The following ELF4 variants were observed in gnomAD, a reference collection of about 807,000 sequenced individuals.
ELF4 encodes the protein E74 like ETS transcription factor 4, also known as ETS-related transcription factor Elf-4.
A neutral mutation model predicts 31.7 loss-of-function variants in ELF4; 10 were observed. The observed-to-expected ratio is 0.32, with a 90% confidence interval of 0.19 to 0.54. ELF4 has a LOEUF of 0.54. ELF4 is among the 20% of genes least tolerant of loss of function. The probability of loss-of-function intolerance (pLI) is 0.95; values close to 1 mark genes in which losing one functional copy is unlikely to be tolerated. For missense variants in ELF4, 418 were observed against 522.0 expected (o/e 0.80, Z 1.94); for synonymous variants, 208 against 226.7 (o/e 0.92, Z 0.74).
chrX:130,092,326 C>T (rs1933074126), intron 1 of ELF4, among the ~76,000 whole-genome samples: 1 of 113,174 alleles, frequency 8.8e-6, no homozygotes, highest in Non-Finnish European at 1.9e-5. Context: ...GCCCTCCCAG[C>T]CCCGCCCCTG....
At chrX:130,089,937 A>G (rs1603207192) in intron 1 of ELF4, among the ~76,000 whole-genome samples, 1 of 110,661 alleles carries the variant, frequency 9.0e-6, no homozygotes, top group East Asian at 2.8e-4. Flanking sequence ...TGTCTCTACT[A>G]AAAAATACAA....
upstream of ELF4, among the ~76,000 whole-genome samples, chrX:130,111,788 C>T (rs762158185): frequency 1.5e-3 from 165 of 112,316 alleles, no homozygotes; most frequent in Non-Finnish European, 1.0e-3. Context: ...CACTCAGGCA[C>T]GCTCCCCTTC....
chrX:130,092,200 G>A (rs1933071395), intron 1 of ELF4, among the ~76,000 whole-genome samples: 1 of 113,132 alleles, frequency 8.8e-6, no homozygotes, highest in Non-Finnish European at 1.9e-5. Context: ...CAGACAGGCA[G>A]TGGAGTAGGA....
intron 2 of ELF4, among the ~76,000 whole-genome samples, chrX:130,076,427 GTTTTC>G (rs755818949): frequency 5.4e-5 from 6 of 111,511 alleles, no homozygotes; most frequent in African/African-American, 1.3e-4. Flanking sequence ...GTTAATCATA[GTTTTC>G]TTTTCTTTTC....
At chrX:130,108,329 A>G (rs763589671) in intron 1 of ELF4, among the ~76,000 whole-genome samples, 3 of 112,148 alleles carry the variant, frequency 2.7e-5, no homozygotes, top group Non-Finnish European at 5.6e-5. Flanking sequence ...AACCAAAAAA[A>G]AAACAACACT....
At chrX:130,092,330 G>A (rs1330916377) in intron 1 of ELF4, among the ~76,000 whole-genome samples, 2 of 112,990 alleles carry the variant, frequency 1.8e-5, no homozygotes, top group African/African-American at 6.4e-5. Context: ...TCCCAGCCCC[G>A]CCCCTGCCTC....
chrX:130,086,212 A>C (rs186510852), intron 1 of ELF4, among the ~76,000 whole-genome samples: 2 of 112,175 alleles, frequency 1.8e-5, no homozygotes, highest in African/African-American at 6.5e-5. Flanking sequence ...AGAGGGAGGG[A>C]AAAAAGAAAG....
chrX:130,098,107 C>T lies in ELF4; in HGVS notation c.-210+12218G>A, dbSNP rs180747432. Among the ~76,000 whole-genome samples the T allele has an allele frequency of 8.6e-3, 965 of 112,442 alleles. 10 individuals are homozygous for T. Among genetic ancestry groups the T allele is most frequent in the African/African-American group, 0.029 (914 of 31,037 alleles). On this transcript the variant is annotated intron_variant, in intron 1 of 8. Coordinates refer to ENST00000308167, the MANE Select transcript of ELF4 (RefSeq NM_001421.4). ...ACAGGCTCCCGCAGCCTGGAGCCCC[C>T]CTGAGCCATGGGCAGGCAGGGGGTG... is the stretch of plus-strand genomic sequence containing the variant.
chrX:130,079,736 T>C (rs761631490), intron 2 of ELF4, among the ~76,000 whole-genome samples: 4 of 110,630 alleles, frequency 3.6e-5, no homozygotes, highest in Non-Finnish European at 7.6e-5. Flanking sequence ...GAGGGATAGG[T>C]TGGAAGGTAA....
At chrX:130,097,249 C>A in intron 1 of ELF4, among the ~76,000 whole-genome samples, 1 of 108,864 alleles carries the variant, frequency 9.2e-6, no homozygotes. Flanking sequence ...ACCAGCCTGA[C>A]CAACATGGAG....
Position 130,069,530 on chromosome X carries a change from G to C in ELF4, c.957C>G (p.Ala319=). 2.5e-6 allele frequency: 3 copies of C among 1,211,862 alleles called. No individual in the cohort carries two copies. Among genetic ancestry groups the C allele is most frequent in the Non-Finnish European group, 3.4e-6 (3 of 895,208 alleles). ...GGGTGGTACTGGCAGAGGCCACAGA[G>C]GCCGTGGAGGCCTGAGGTGGGGCTG... The part of the protein sequence containing the change: ...ATAAPPQAST[A]SVASASTTRR... The change falls in exon 8 of 9, where the codon GCC becomes GCG. Residue 319 remains alanine (A), a synonymous_variant. Coordinates refer to ENST00000308167, the MANE Select transcript of ELF4 (RefSeq NM_001421.4).
At position 130,065,952 on chromosome X, in the gene ELF4, C is replaced by A. The variant is rs145905263; in HGVS notation, c.*769G>T. 1 of 173,489 alleles carries A rather than the reference C, an allele frequency of 5.8e-6. No homozygotes were observed. The highest frequency in any genetic ancestry group is 3.1e-4 in the South Asian group (1 of 3,198). 14.3% of individuals were successfully genotyped at this position (173,489 alleles called of 1,213,427 possible). On this transcript the variant is annotated 3_prime_UTR_variant, in exon 9 of 9. Transcript: ENST00000308167. ...TCCAGGAAGAGTACCTTGGTCCAGC[C>A]AGTGAGGGCTGCTCCCAGAGCTGAC... is the stretch of plus-strand genomic sequence containing the variant.
chrX:130,072,389 C>T lies in ELF4; in HGVS notation c.369G>A (p.Ser123=), dbSNP rs770021475. The T allele has an allele frequency of 1.4e-5, 17 of 1,210,544 alleles. No individual in the cohort carries two copies. Among genetic ancestry groups the T allele is most frequent in the Middle Eastern group, 4.6e-4 (2 of 4,375 alleles). ...IFSTSEMLPD[S]DPAPAVTLPN... is the part of the protein sequence containing the mutation. Reference sequence around the variant, plus strand: ...GCAGAGTGACAGCTGGTGCAGGGTCCGAGTCTGGAAGCATTTCGGAGGTAC... The same window carrying T: ...GCAGAGTGACAGCTGGTGCAGGGTCTGAGTCTGGAAGCATTTCGGAGGTAC... Residue 123 remains serine, a synonymous_variant, in exon 5 of 9, where the codon TCG becomes TCA. Transcript: ENST00000308167.
chrX:130,110,598 C>G (rs1933468642), upstream of ELF4: 3 of 110,192 alleles, frequency 2.7e-5, no homozygotes, highest in Non-Finnish European at 5.7e-5. Context: ...CCTGCCCCCG[C>G]CACCCCGCGC....
intron 1 of ELF4, among the ~76,000 whole-genome samples, chrX:130,092,373 C>T (rs553521650): frequency 8.0e-5 from 9 of 112,929 alleles, no homozygotes; most frequent in Middle Eastern, 4.6e-3. Flanking sequence ...AGGGAAGGGC[C>T]CTGCGTGGTG....
intron 2 of ELF4, among the ~76,000 whole-genome samples, chrX:130,077,413 AG>A (rs1932844356): frequency 1.8e-5 from 2 of 110,119 alleles, no homozygotes; most frequent in African/African-American, 6.6e-5. Flanking sequence ...CTCCCGTCTC[AG>A]CCTCCTGAGT....
rs140026389 is a variant in ELF4 at position 130,067,842 on chromosome X, T to G, written c.1188-317A>C. Reference sequence around the variant, plus strand: ...TTATTTTTTTTTTTGAGACGGAGTCTTGCTCTGTCACTCAGGCTGGAGTGC... The same window carrying G: ...TTATTTTTTTTTTTGAGACGGAGTCGTGCTCTGTCACTCAGGCTGGAGTGC... On this transcript the variant is annotated intron_variant, in intron 8 of 8. Transcript: ENST00000308167. 3.5e-3 allele frequency among the ~76,000 whole-genome samples: 390 copies of G among 110,063 alleles called. 1 individual carries two copies. Among genetic ancestry groups the G allele is most frequent in the African/African-American group, 0.012 (363 of 30,115 alleles).
At chrX:130,091,593 T>G (rs1251358570) in intron 1 of ELF4, among the ~76,000 whole-genome samples, 2 of 111,842 alleles carry the variant, frequency 1.8e-5, no homozygotes, top group Admixed American at 9.5e-5. Flanking sequence ...CACCCCATCA[T>G]GTTGATTTCT....
chrX:130,086,472 G>GC (rs1332041016), intron 1 of ELF4, among the ~76,000 whole-genome samples: 1 of 112,005 alleles, frequency 8.9e-6, no homozygotes. Context: ...CAGGTCCCAG[G>GC]CAAAGAGATG....
Sources: allele counts gnomAD v4.1 joint callset (sites outside exome capture counted in the v4.1 genomes callset), GRCh38; gene constraint gnomAD v4.1.1; transcripts MANE v1.5; gene names NCBI Gene and HGNC (gene_info 2026-07-23, HGNC 2026-07-21).